The following PCDH15 variants were observed in gnomAD, a reference collection of about 807,000 sequenced individuals.
The protein encoded by PCDH15 is protocadherin related 15.
A neutral mutation model predicts 178.5 loss-of-function variants in PCDH15; 129 were observed. That is an observed-to-expected ratio of 0.72 (90% CI 0.63 to 0.84). The LOEUF (loss-of-function observed/expected upper bound fraction) is 0.84, where lower values mean the gene tolerates loss of function less well. PCDH15 is among the 40% of genes least tolerant of loss of function. PCDH15 has a pLI of 0.00. For missense variants in PCDH15, 2,230 were observed against 2,099.9 expected (o/e 1.06, Z -1.21); for synonymous variants, 800 against 732.0 (o/e 1.09, Z -1.50).
chr10:54,288,102 T>C (rs1389993153), intron 8 of PCDH15, among the ~76,000 whole-genome samples: 1 of 151,930 alleles, frequency 6.6e-6, no homozygotes, highest in East Asian at 1.9e-4. Context: ...GGCAGGTGGA[T>C]CATGAGGTCA....
At chr10:54,433,801 A>G (rs79180885) in intron 3 of PCDH15, among the ~76,000 whole-genome samples, 8,108 of 152,244 alleles carry the variant, frequency 0.053, 729 homozygotes, top group African/African-American at 0.19. Flanking sequence ...AGCATCTCAC[A>G]TACCCCATAA....
chr10:54,692,461 T>C (rs1006883793), intron 1 of PCDH15, among the ~76,000 whole-genome samples: 1 of 152,204 alleles, frequency 6.6e-6, no homozygotes, highest in African/African-American at 2.4e-5. Flanking sequence ...GTCATCTAAC[T>C]TTAAACTTCC....
chr10:54,542,923 AAATACAGGTGGATGTGGTGAGG>A (rs1459514427), intron 2 of PCDH15, among the ~76,000 whole-genome samples: 1 of 152,156 alleles, frequency 6.6e-6, no homozygotes, highest in Non-Finnish European at 1.5e-5. Flanking sequence ...AGGCAGATAC[AAATACAGGTGGATGTGGTGAGG>A]AACACATTGG....
chr10:55,411,130 T>A (rs542660610), intron 2 of PCDH15, among the ~76,000 whole-genome samples: 1 of 152,268 alleles, frequency 6.6e-6, no homozygotes, highest in African/African-American at 2.4e-5. Context: ...TTTAGGTGGT[T>A]AATCATACCG....
chr10:54,872,595 A>G (rs1039850296), intron 3 of PCDH15, among the ~76,000 whole-genome samples: 2 of 152,096 alleles, frequency 1.3e-5, no homozygotes, highest in African/African-American at 4.8e-5. Context: ...TGATTATTTT[A>G]CTACAAATAA....
At chr10:53,968,473 T>C (rs2660192) in intron 21 of PCDH15, among the ~76,000 whole-genome samples, 109,537 of 152,068 alleles carry the variant, frequency 0.72, 39,748 homozygotes, top group East Asian at 0.87. Flanking sequence ...CAGACTTCAA[T>C]ATCCCTGTCT....
rs1432759595 is a variant in PCDH15, at chr10:55,595,868, T to C, written c.-156+31757A>G. Among the ~76,000 whole-genome samples, 7 of 152,268 alleles carry C rather than the reference T, an allele frequency of 4.6e-5. No individual in the cohort carries two copies. In the East Asian group the frequency reaches 1.4e-3, roughly 29 times the overall value. ...TAAAATAATTTTAGAAATACCATTC[T>C]TCTATGAAATAAGTAAGCTCAGTCA... On this transcript the variant is annotated intron_variant, in intron 2 of 5. Transcript: ENST00000613346.
intron 2 of PCDH15, among the ~76,000 whole-genome samples, chr10:55,453,624 C>A (rs7085451): frequency 0.77 from 116,262 of 151,930 alleles, 45,844 homozygotes; most frequent in East Asian, 0.99. Flanking sequence ...TCTATGTTTA[C>A]TTCTCAGTCC....
chr10:54,074,192 T>C (rs1013930021), intron 17 of PCDH15, among the ~76,000 whole-genome samples: 4 of 152,250 alleles, frequency 2.6e-5, no homozygotes, highest in African/African-American at 9.6e-5. Context: ...AGATTTTTTT[T>C]CTGTATTTGT....
chr10:54,604,962 G>A lies in PCDH15; in HGVS notation c.91+59210C>T, dbSNP rs115550159. On this transcript the variant is annotated intron_variant, in intron 2 of 37. Transcript: ENST00000644397. ...TACTATGGCTATTTTCTGTGTGAAT[G>A]ACATGAGTCTTACATAAAATATAAT... Among the ~76,000 whole-genome samples, 1,226 of 151,616 alleles carry A rather than the reference G, an allele frequency of 8.1e-3. 13 individuals are homozygous for A. Among genetic ancestry groups the A allele is most frequent in the African/African-American group, 0.028 (1,171 of 41,440 alleles).
intron 2 of PCDH15, among the ~76,000 whole-genome samples, chr10:54,903,386 T>C (rs895777212): frequency 6.6e-6 from 1 of 152,178 alleles, no homozygotes; most frequent in African/African-American, 2.4e-5. Context: ...GTTAAGAAAG[T>C]ATACCAAATT....
At chr10:54,996,703 A>T (rs937301231) in intron 2 of PCDH15, among the ~76,000 whole-genome samples, 5 of 152,120 alleles carry the variant, frequency 3.3e-5, no homozygotes, top group African/African-American at 1.2e-4. Context: ...TTGTGAACCT[A>T]GGCTTTTATG....
At chr10:54,740,293 C>G (rs1486925060) in intron 1 of PCDH15, among the ~76,000 whole-genome samples, 1 of 151,820 alleles carries the variant, frequency 6.6e-6, no homozygotes, top group African/African-American at 2.4e-5. Flanking sequence ...AAATCACTAG[C>G]CATGGGGAAC....
intron 9 of PCDH15, among the ~76,000 whole-genome samples, chr10:54,230,347 A>G (rs1463635117): frequency 6.6e-6 from 1 of 152,182 alleles, no homozygotes; most frequent in Non-Finnish European, 1.5e-5. Flanking sequence ...CACAAGGATC[A>G]TGAAACAAAA....
intron 3 of PCDH15, among the ~76,000 whole-genome samples, chr10:54,500,332 C>T (rs1320881467): frequency 6.6e-6 from 1 of 152,056 alleles, no homozygotes; most frequent in African/African-American, 2.4e-5. Context: ...AAATAACTAT[C>T]TATTGGGTAC....
chr10:55,264,288 A>G (rs538487815), intron 1 of PCDH15, among the ~76,000 whole-genome samples: 4 of 152,282 alleles, frequency 2.6e-5, no homozygotes, highest in East Asian at 3.9e-4. Context: ...CAGGCACAAT[A>G]TAAATGGGCA....
At chr10:54,664,348 A>G (rs2094537186) in intron 1 of PCDH15, 58 bp from the exon 2 acceptor site, 1 of 1,073,728 alleles carries the variant, frequency 9.3e-7, no homozygotes, top group Non-Finnish European at 1.4e-6. Flanking sequence ...TGTTATAGGT[A>G]AACACAATTG....
intron 25 of PCDH15, among the ~76,000 whole-genome samples, chr10:53,922,922 C>A (rs1426882588): frequency 1.3e-5 from 2 of 151,988 alleles, no homozygotes; most frequent in Non-Finnish European, 2.9e-5. Flanking sequence ...CCCATCTCTA[C>A]TAAAAATACA....
chr10:54,722,828 C>A (rs55869239), intron 1 of PCDH15, among the ~76,000 whole-genome samples: 1 of 151,378 alleles, frequency 6.6e-6, no homozygotes, highest in Non-Finnish European at 1.5e-5. Flanking sequence ...CCTAGAGATA[C>A]AATTAAGCAA....
Sources: gnomAD v4.1 joint callset for allele counts (sites outside exome capture counted in the v4.1 genomes callset) on GRCh38, gnomAD v4.1.1 for gene constraint, MANE v1.5 for transcripts, NCBI Gene and HGNC (gene_info 2026-07-23, HGNC 2026-07-21) for gene names.